Variants in PDSS2 observed in about 807,000 individuals in gnomAD.
The protein encoded by PDSS2 is decaprenyl diphosphate synthase subunit 2.
Under a neutral mutation model 44.5 loss-of-function variants are expected in PDSS2, and 31 were observed. That is an observed-to-expected ratio of 0.70 (90% CI 0.52 to 0.94). The LOEUF (loss-of-function observed/expected upper bound fraction) is 0.94, where lower values mean the gene tolerates loss of function less well. Among genes scored for constraint, PDSS2 ranks in the 40% least tolerant of loss-of-function variants. The probability of loss-of-function intolerance (pLI) is 0.00; values close to 1 mark genes in which losing one functional copy is unlikely to be tolerated. For missense variants in PDSS2, 452 were observed against 482.2 expected, an observed-to-expected ratio of 0.94 and a Z score of 0.59; for synonymous variants, 157 against 180.3, an observed-to-expected ratio of 0.87 and a Z score of 1.03.
chr6:107,271,924 T>C (rs1184497495), intron 3 of PDSS2, among the ~76,000 whole-genome samples: 2 of 151,658 alleles, frequency 1.3e-5, no homozygotes, highest in Admixed American at 6.6e-5. Flanking sequence ...ATTAGCCAGG[T>C]ATGGCTGTAT....
At chr6:107,164,168 A>ATTTT (rs66481350) in intron 7 of PDSS2, among the ~76,000 whole-genome samples, 3 of 150,276 alleles carry the variant, frequency 2.0e-5, no homozygotes, top group African/African-American at 7.4e-5. Flanking sequence ...CTTAAAAAAA[A>ATTTT]TTTTTTTTTT....
At chr6:107,405,711 G>C (rs867085880) in intron 1 of PDSS2, among the ~76,000 whole-genome samples, 1 of 151,512 alleles carries the variant, frequency 6.6e-6, no homozygotes, top group Non-Finnish European at 1.5e-5. Flanking sequence ...GCCGGGCGTA[G>C]CGGCGGGCGC....
At chr6:107,167,084 T>C (rs1166665606) in intron 7 of PDSS2, among the ~76,000 whole-genome samples, 1 of 152,232 alleles carries the variant, frequency 6.6e-6, no homozygotes, top group South Asian at 2.1e-4. Flanking sequence ...CTGGTAGAAT[T>C]TGGCTGTGAA....
chr6:107,329,710 G>A (rs748690366), intron 2 of PDSS2, among the ~76,000 whole-genome samples: 27 of 152,078 alleles, frequency 1.8e-4, no homozygotes, highest in Non-Finnish European at 3.7e-4. Context: ...CATAATACCT[G>A]CATACATAAT....
intron 1 of PDSS2, among the ~76,000 whole-genome samples, chr6:107,408,667 T>C (rs533547130): frequency 1.3e-5 from 2 of 152,342 alleles, no homozygotes; most frequent in African/African-American, 4.8e-5. Flanking sequence ...CCTGGAATGC[T>C]TCTGCCACAC....
chr6:107,302,276 T>C (rs934796157), intron 2 of PDSS2, among the ~76,000 whole-genome samples: 1 of 138,458 alleles, frequency 7.2e-6, no homozygotes, highest in Non-Finnish European at 1.5e-5. Flanking sequence ...ACTTTCCCTC[T>C]TTTTTTTTTT....
At chr6:107,454,502 T>C (rs1298584737) in intron 1 of PDSS2, among the ~76,000 whole-genome samples, 1 of 152,232 alleles carries the variant, frequency 6.6e-6, no homozygotes, top group African/African-American at 2.4e-5. Context: ...AATCATTATC[T>C]CACCAAACCT....
intron 1 of PDSS2, among the ~76,000 whole-genome samples, chr6:107,436,582 C>T (rs964196185): frequency 2.0e-5 from 3 of 152,060 alleles, no homozygotes; most frequent in Non-Finnish European, 4.4e-5. Flanking sequence ...TTTGGTTATA[C>T]TTCTTATGTA....
At chr6:107,368,685 T>A (rs1215313632) in intron 1 of PDSS2, among the ~76,000 whole-genome samples, 5 of 151,286 alleles carry the variant, frequency 3.3e-5, no homozygotes, top group African/African-American at 1.2e-4. Context: ...AAGACCCCAT[T>A]CTCTACAAAA....
chr6:107,214,609 T>C (rs924664062), intron 4 of PDSS2, among the ~76,000 whole-genome samples: 1 of 152,162 alleles, frequency 6.6e-6, no homozygotes, highest in African/African-American at 2.4e-5. Context: ...AATACACTTT[T>C]CTTCCTGCTC....
intron 6 of PDSS2, among the ~76,000 whole-genome samples, chr6:107,206,943 T>G (rs894613559): frequency 3.3e-5 from 5 of 151,910 alleles, no homozygotes; most frequent in African/African-American, 1.2e-4. Flanking sequence ...TTACTCCAAG[T>G]AAGCCACTGT....
At chr6:107,312,913 A>G (rs1391806906) in intron 2 of PDSS2, among the ~76,000 whole-genome samples, 2 of 152,236 alleles carry the variant, frequency 1.3e-5, no homozygotes, top group African/African-American at 4.8e-5. Flanking sequence ...ATACATGAGT[A>G]TCCTGGTCCT....
Position 107,294,363 on chromosome 6 carries a change from G to T in PDSS2, c.432-20136C>A, listed in dbSNP as rs1317998896. ...AATGTCCCCCCAAATACTTCACCAA[G>T]TATTTTCATGTATAAAAGTTGAGAA... On this transcript the variant is annotated intron_variant, in intron 2 of 7. Transcript: ENST00000369037. Among the ~76,000 whole-genome samples the T allele has an allele frequency of 2.0e-5, 3 of 152,070 alleles. No homozygotes were observed. The East Asian group carries it at 5.8e-4, about 29-fold the overall frequency.
Position 107,203,461 on chromosome 6 carries a change from T to G in PDSS2, c.1008+6978A>C, listed in dbSNP as rs553915012. Among the ~76,000 whole-genome samples, 5 of 152,232 alleles carry G rather than the reference T, an allele frequency of 3.3e-5. No homozygotes were observed. The East Asian group carries it at 7.7e-4, about 24-fold the overall frequency. ...GCTTATCAATGGGTTTCCAAAAACTTCTTAATTGATCTCCTTGCTTTTAGT... is the reference window on the plus strand; with the variant it reads ...GCTTATCAATGGGTTTCCAAAAACTGCTTAATTGATCTCCTTGCTTTTAGT... On this transcript the variant is annotated intron_variant, in intron 6 of 7. Transcript: ENST00000369037.
chr6:107,396,299 A>G (rs1007963076), intron 1 of PDSS2, among the ~76,000 whole-genome samples: 2 of 152,054 alleles, frequency 1.3e-5, no homozygotes, highest in African/African-American at 4.8e-5. Context: ...ACTTTAATCT[A>G]TGTCTCCCAC....
intron 1 of PDSS2, among the ~76,000 whole-genome samples, chr6:107,430,295 G>C: frequency 6.6e-6 from 1 of 151,910 alleles, no homozygotes; most frequent in Non-Finnish European, 1.5e-5. Flanking sequence ...AAGCCAGGAG[G>C]TCAAGACTAG....
intron 1 of PDSS2, among the ~76,000 whole-genome samples, chr6:107,341,621 A>C (rs1406390437): frequency 6.6e-6 from 1 of 152,182 alleles, no homozygotes; most frequent in East Asian, 1.9e-4. Context: ...AACATGAAGA[A>C]ATATGTTCTA....
intron 1 of PDSS2, among the ~76,000 whole-genome samples, chr6:107,347,700 A>C (rs1778297822): frequency 6.6e-6 from 1 of 152,200 alleles, no homozygotes; most frequent in South Asian, 2.1e-4. Context: ...GCTAATCAAA[A>C]GAAATAATTT....
chr6:107,258,106 C>T (rs1409284449), intron 3 of PDSS2, among the ~76,000 whole-genome samples: 1 of 152,118 alleles, frequency 6.6e-6, no homozygotes, highest in Middle Eastern at 3.2e-3. Flanking sequence ...ACCTTATAGC[C>T]TTTAAAGTAC....
Sources: gnomAD v4.1 joint callset for allele counts (sites outside exome capture counted in the v4.1 genomes callset) on GRCh38, gnomAD v4.1.1 for gene constraint, MANE v1.5 for transcripts, NCBI Gene and HGNC (gene_info 2026-07-23, HGNC 2026-07-21) for gene names.